ATAD2B: variants seen among roughly 807,000 people sequenced by gnomAD.
The protein encoded by ATAD2B is ATPase family AAA domain-containing protein 2B.
In ATAD2B, 40 loss-of-function variants were observed where a neutral mutation model predicts 167.6. That is an observed-to-expected ratio of 0.24 (90% confidence interval 0.19 to 0.31). ATAD2B has a LOEUF of 0.31. ATAD2B is among the 10% of genes least tolerant of loss of function. ATAD2B has a pLI of 1.00. For missense variants in ATAD2B, 1,242 were observed against 1,757.2 expected (o/e 0.71, Z 5.24); for synonymous variants, 579 against 596.5 (o/e 0.97, Z 0.43).
At chr2:23,696,270 G>T in the ATAD2B span, 45 of 1,513,864 alleles carry the variant, frequency 3.0e-5, no homozygotes, top group Non-Finnish European at 3.9e-5. The surrounding 1 kb of genome is among the most constrained non-coding windows in gnomAD (Gnocchi z 5.5). Context: ...CTGGGGCTGG[G>T]CCTGCTGACC....
intron 19 of ATAD2B, 126 bp from the exon 20 acceptor site, chr2:23,788,773 G>A: frequency 1.2e-6 from 1 of 816,712 alleles, no homozygotes; most frequent in Admixed American, 2.9e-5. Flanking sequence ...TTCACATGGG[G>A]TTATAGTTAA....
chr2:23,786,224 C>A lies in ATAD2B; in HGVS notation c.2777-1G>T. The stretch of plus-strand genomic sequence containing the variant: ...GGAAGCACTTCCATAGCACAAAGAG[C>A]TAGAGAAAACAGAAGAAAATGTTAA... On this transcript the variant is annotated splice_acceptor_variant, in intron 20 of 27. Transcript: ENST00000238789. LOFTEE classifies it high-confidence loss of function. 1 of 1,560,754 alleles carries A rather than the reference C, an allele frequency of 6.4e-7. No homozygotes were observed. Among genetic ancestry groups the A allele is most frequent in the Admixed American group, 2.0e-5 (1 of 51,044 alleles).
At chr2:23,703,676 C>T in the ATAD2B span, 10 of 1,501,564 alleles carry the variant, frequency 6.7e-6, no homozygotes, top group Admixed American at 8.8e-5. Flanking sequence ...GAGGGAAGTC[C>T]AAGACAAGCT....
chr2:23,863,252 T>C (rs1247871085), intron 12 of ATAD2B, 129 bp downstream of exon 12: 1 of 856,274 alleles, frequency 1.2e-6, no homozygotes, highest in East Asian at 2.7e-5. Context: ...AAGACAGTAG[T>C]GAGACGAGAT....
At chr2:23,703,095 G>C in the ATAD2B span, 1 of 925,880 alleles carries the variant, frequency 1.1e-6, no homozygotes. Context: ...CTGAGGGCGA[G>C]GAGCAGATGG....
chr2:23,880,919 C>A (rs1038271565), intron 6 of ATAD2B, among the ~76,000 whole-genome samples, 164 bp from the exon 7 acceptor site: 14 of 152,098 alleles, frequency 9.2e-5, no homozygotes, highest in Non-Finnish European at 1.3e-4. Context: ...AAAAATCAAC[C>A]TAAATGGATG....
At chr2:23,871,448 T>C (rs1695969174) in intron 8 of ATAD2B, among the ~76,000 whole-genome samples, 1 of 152,250 alleles carries the variant, frequency 6.6e-6, no homozygotes, top group African/African-American at 2.4e-5. Context: ...GAGCACCCAC[T>C]GACTCAGAGT....
intron 2 of ATAD2B, among the ~76,000 whole-genome samples, chr2:23,894,592 A>G (rs887736230): frequency 6.6e-6 from 1 of 152,204 alleles, no homozygotes; most frequent in Non-Finnish European, 1.5e-5. Context: ...AATCATCTTA[A>G]AAGCCCAATT....
chr2:23,703,051 A>G, the ATAD2B span: 2 of 548,660 alleles, frequency 3.6e-6, no homozygotes, highest in Non-Finnish European at 5.8e-6. Context: ...AGTGCCCCCC[A>G]CTGCTGGTGT....
chr2:23,906,273 G>A (rs530781378), intron 1 of ATAD2B, among the ~76,000 whole-genome samples: 12 of 151,948 alleles, frequency 7.9e-5, no homozygotes, highest in South Asian at 4.2e-4. Flanking sequence ...CCTGGAAGGC[G>A]GAGGCTGCAG....
the ATAD2B span, chr2:23,703,731 C>G: frequency 2.6e-6 from 4 of 1,536,286 alleles, no homozygotes; most frequent in Non-Finnish European, 2.6e-6. Context: ...AACAAGTATG[C>G]CCCCGCTGTC....
At chr2:23,701,045 C>A in the ATAD2B span, among the ~76,000 whole-genome samples, 2 of 151,084 alleles carry the variant, frequency 1.3e-5, no homozygotes, top group Non-Finnish European at 3.0e-5. Context: ...TGACTGTCTG[C>A]TGCACATCTC....
At chr2:23,848,956 A>G (rs1318111159) in intron 13 of ATAD2B, among the ~76,000 whole-genome samples, 1 of 152,170 alleles carries the variant, frequency 6.6e-6, no homozygotes, top group Non-Finnish European at 1.5e-5. Flanking sequence ...TACATATAGT[A>G]TATATATTAT....
At chr2:23,727,060 T>A in the ATAD2B span, among the ~76,000 whole-genome samples, 1 of 152,160 alleles carries the variant, frequency 6.6e-6, no homozygotes, top group East Asian at 1.9e-4. Flanking sequence ...CCAAAGAAGA[T>A]CAAGGTTTCT....
At chr2:23,680,538 A>G in the ATAD2B span, among the ~76,000 whole-genome samples, 1 of 152,200 alleles carries the variant, frequency 6.6e-6, no homozygotes, top group African/African-American at 2.4e-5. This position sits in a 1 kb window ranked among gnomAD's most constrained non-coding sequence, Gnocchi z 4.1. Flanking sequence ...TGCTGAGGCC[A>G]AGTCTTCATC....
chr2:23,786,258 C>T (rs1049574262), intron 20 of ATAD2B, 35 bp from the exon 21 acceptor site: 1 of 1,501,270 alleles, frequency 6.7e-7, no homozygotes, highest in South Asian at 1.3e-5. Flanking sequence ...AAGATTCCAA[C>T]GTCGTGGGCC....
chr2:23,769,760 G>T (rs1209478711), intron 22 of ATAD2B, among the ~76,000 whole-genome samples: 1 of 139,422 alleles, frequency 7.2e-6, no homozygotes, highest in Non-Finnish European at 1.5e-5. Context: ...CTGTCGCCCA[G>T]GCTGGAGTGC....
At chr2:23,686,945 A>C in the ATAD2B span, among the ~76,000 whole-genome samples, 4 of 152,212 alleles carry the variant, frequency 2.6e-5, no homozygotes, top group Admixed American at 6.5e-5. Flanking sequence ...GAGGAAAGCC[A>C]AGTCTTTACA....
chr2:23,890,089 C>A (rs570613873), intron 2 of ATAD2B, among the ~76,000 whole-genome samples: 1 of 152,088 alleles, frequency 6.6e-6, no homozygotes, highest in Non-Finnish European at 1.5e-5. Context: ...GTGGCAGGCA[C>A]CTGCAGTCCC....
Sources: gnomAD v4.1 joint callset for allele counts (sites outside exome capture counted in the v4.1 genomes callset) on GRCh38, gnomAD v4.1.1 for gene constraint, Gnocchi (gnomAD v3.1) non-coding constraint, MANE v1.5 for transcripts, NCBI Gene and HGNC (gene_info 2026-07-23, HGNC 2026-07-21) for gene names.